The following ARHGAP10 variants were observed in gnomAD, a reference collection of about 807,000 sequenced individuals.
ARHGAP10 encodes the protein rho GTPase-activating protein 10.
A neutral mutation model predicts 108.6 loss-of-function variants in ARHGAP10; 87 were observed. That is an observed-to-expected ratio of 0.80 (90% CI 0.67 to 0.96). The LOEUF (loss-of-function observed/expected upper bound fraction) is 0.96, where lower values mean the gene tolerates loss of function less well. ARHGAP10 is among the 40% of genes least tolerant of loss of function. The probability of loss-of-function intolerance (pLI) is 0.00; values close to 1 mark genes in which losing one functional copy is unlikely to be tolerated. For synonymous variants in ARHGAP10, 347 were observed against 341.1 expected (o/e 1.02, Z -0.19); for missense variants, 939 against 954.5 (o/e 0.98, Z 0.21).
chr4:147,914,615 C>G (rs1736889627), intron 13 of ARHGAP10, among the ~76,000 whole-genome samples: 1 of 130,832 alleles, frequency 7.6e-6, no homozygotes, highest in Non-Finnish European at 1.6e-5. Flanking sequence ...TGGAATCATG[C>G]AGTTCATAGT....
At chr4:147,754,181 GTTTA>G in intron 1 of ARHGAP10, among the ~76,000 whole-genome samples, 1 of 152,172 alleles carries the variant, frequency 6.6e-6, no homozygotes, top group Non-Finnish European at 1.5e-5. Context: ...AGTCTAGAAT[GTTTA>G]TTTAGGTTAA....
At position 147,992,855 on chromosome 4, in the gene ARHGAP10, A is replaced by G. The variant is rs184459787; in HGVS notation, c.1716+26016A>G. ...CTTGTACCACGGGACTTTCTACTTA[A>G]ATAATGAAAGACACCCATCATCTAT... On this transcript the variant is annotated intron_variant, in intron 18 of 22. Transcript: ENST00000336498. Among the ~76,000 whole-genome samples, 225 of 152,312 alleles carry G rather than the reference A, an allele frequency of 1.5e-3. 2 individuals are homozygous for G. The highest frequency in any genetic ancestry group is 5.1e-3 in the African/African-American group (214 of 41,576).
intron 13 of ARHGAP10, among the ~76,000 whole-genome samples, chr4:147,928,914 C>T (rs1737566364): frequency 6.6e-6 from 1 of 152,172 alleles, no homozygotes; most frequent in African/African-American, 2.4e-5. Context: ...CACAGCAACC[C>T]AGTTCCCATC....
Position 147,840,501 on chromosome 4 carries a change from A to T in ARHGAP10, c.313-6650A>T, listed in dbSNP as rs1032449733. 3.3e-5 allele frequency among the ~76,000 whole-genome samples: 5 copies of T among 152,244 alleles called. No individual in the cohort carries two copies. In the East Asian group the frequency reaches 7.7e-4, roughly 24 times the overall value. On this transcript the variant is annotated intron_variant, in intron 3 of 22. Coordinates refer to ENST00000336498, the MANE Select transcript of ARHGAP10 (RefSeq NM_024605.4). ...GAAATGGCTGTTTTAAAATGTGGTA[A>T]CCATGCTATTGAGGTAAGCTCTAAT...
intron 18 of ARHGAP10, among the ~76,000 whole-genome samples, chr4:147,993,339 A>G (rs930859595): frequency 5.3e-5 from 8 of 152,222 alleles, no homozygotes; most frequent in African/African-American, 1.9e-4. Flanking sequence ...TTAGTAATTG[A>G]TTCGGCTAGG....
intron 1 of ARHGAP10, among the ~76,000 whole-genome samples, chr4:147,763,340 T>C (rs574156069): frequency 6.7e-6 from 1 of 149,690 alleles, no homozygotes; most frequent in Admixed American, 6.6e-5. Context: ...TTTGAGACAG[T>C]CTCGCTCTGT....
chr4:147,892,191 G>A (rs1735817037), intron 10 of ARHGAP10, among the ~76,000 whole-genome samples: 1 of 141,750 alleles, frequency 7.1e-6, no homozygotes, highest in African/African-American at 3.2e-5. Context: ...AGGAAGAGAG[G>A]AGGAAATCAC....
intron 1 of ARHGAP10, among the ~76,000 whole-genome samples, chr4:147,789,820 C>T (rs1264180695): frequency 6.6e-6 from 1 of 152,036 alleles, no homozygotes; most frequent in Non-Finnish European, 1.5e-5. Context: ...AGATGGAAGT[C>T]ATTAAAAATC....
At chr4:147,944,835 G>T (rs1343688040) in intron 14 of ARHGAP10, among the ~76,000 whole-genome samples, 1 of 151,992 alleles carries the variant, frequency 6.6e-6, no homozygotes, top group African/African-American at 2.4e-5. Context: ...AATATCATTC[G>T]TCGTAACCCA....
At chr4:148,002,687 T>C (rs1740772169) in intron 18 of ARHGAP10, among the ~76,000 whole-genome samples, 2 of 152,260 alleles carry the variant, frequency 1.3e-5, no homozygotes, top group African/African-American at 2.4e-5. Flanking sequence ...CTAGATTTTC[T>C]AGTTTATTTG....
intron 18 of ARHGAP10, among the ~76,000 whole-genome samples, chr4:148,015,923 G>A (rs1560875991): frequency 6.6e-6 from 1 of 152,198 alleles, no homozygotes; most frequent in Non-Finnish European, 1.5e-5. Context: ...TTATGGATAA[G>A]TGTAGTTCTG....
chr4:148,068,739 T>A (rs1730016844), intron 22 of ARHGAP10, among the ~76,000 whole-genome samples: 1 of 152,186 alleles, frequency 6.6e-6, no homozygotes, highest in Non-Finnish European at 1.5e-5. Flanking sequence ...GTGGGTCCTG[T>A]GGCAGTTCTG....
At chr4:147,878,866 T>A (rs1162734291) in intron 8 of ARHGAP10, among the ~76,000 whole-genome samples, 1 of 147,880 alleles carries the variant, frequency 6.8e-6, no homozygotes, top group Admixed American at 6.9e-5. Flanking sequence ...AAGCTCTGCC[T>A]CTTGGGTTCA....
intron 18 of ARHGAP10, among the ~76,000 whole-genome samples, chr4:148,000,971 T>C (rs567995559): frequency 3.9e-5 from 6 of 152,320 alleles, no homozygotes; most frequent in Non-Finnish European, 8.8e-5. Flanking sequence ...TTGCCATTGC[T>C]TTTGGTGTTT....
intron 1 of ARHGAP10, among the ~76,000 whole-genome samples, chr4:147,818,335 G>A (rs556786126): frequency 4.3e-4 from 66 of 152,074 alleles, no homozygotes; most frequent in African/African-American, 1.5e-3. Flanking sequence ...GGAGGCCGAG[G>A]CAGGTGGATC....
rs10031581 is a variant in ARHGAP10, at chr4:148,014,746, A to G, written c.1717-8517A>G. On this transcript the variant is annotated intron_variant, in intron 18 of 22. Coordinates refer to ENST00000336498, the MANE Select transcript of ARHGAP10 (RefSeq NM_024605.4). ...TCAATATGCTGAAACCTTTAATGCA[A>G]AAACCAAAGTCTGCTATGCATCACT... 7.9e-3 allele frequency among the ~76,000 whole-genome samples: 1,188 copies of G among 151,186 alleles called. 15 individuals are homozygous for G. The highest frequency in any genetic ancestry group is 0.028 in the African/African-American group (1,137 of 40,588).
intron 10 of ARHGAP10, among the ~76,000 whole-genome samples, chr4:147,899,512 G>A (rs984645111): frequency 2.6e-5 from 4 of 152,148 alleles, no homozygotes; most frequent in Admixed American, 1.3e-4. Flanking sequence ...TGGGAATGAT[G>A]TTCTCTGATA....
chr4:147,998,810 A>C (rs952792837), intron 18 of ARHGAP10, among the ~76,000 whole-genome samples: 8 of 152,234 alleles, frequency 5.3e-5, no homozygotes, highest in African/African-American at 1.9e-4. Context: ...GCTACTTCCT[A>C]AATATATCTT....
chr4:148,052,153 G>A (rs1257122513), intron 20 of ARHGAP10, among the ~76,000 whole-genome samples: 5 of 152,032 alleles, frequency 3.3e-5, no homozygotes, highest in African/African-American at 4.8e-5. Flanking sequence ...GAAGTCTGGT[G>A]CCTACTGAGA....
Sources: allele counts gnomAD v4.1 joint callset (sites outside exome capture counted in the v4.1 genomes callset), GRCh38; gene constraint gnomAD v4.1.1; transcripts MANE v1.5; gene names NCBI Gene and HGNC (gene_info 2026-07-23, HGNC 2026-07-21).